TMEM181: variants seen among roughly 807,000 people sequenced by gnomAD.
The protein encoded by TMEM181 is transmembrane protein 181, also known as G protein-coupled receptor 178.
TMEM181 carries 39 observed loss-of-function variants against 71.9 expected under a neutral mutation model. The ratio of observed to expected loss-of-function variants is 0.54; its 90% CI spans 0.42 to 0.71. The LOEUF (loss-of-function observed/expected upper bound fraction) is 0.71. TMEM181 is among the 30% of genes least tolerant of loss of function. The pLI is 0.00. For missense variants in TMEM181, 595 were observed against 583.0 expected (o/e 1.02, Z -0.21); for synonymous variants, 245 against 228.8 (o/e 1.07, Z -0.64).
exon 1 of TMEM181, chr6:158,536,721 G>T (rs1582902949): frequency 6.4e-7 from 1 of 1,561,858 alleles, no homozygotes; most frequent in Non-Finnish European, 8.6e-7. Flanking sequence ...CCGGGACCCG[G>T]GAGGCTGCGC....
intron 13 of TMEM181, 111 bp from the exon 14 acceptor site, chr6:158,628,297 A>C (rs1165830808): frequency 2.1e-6 from 2 of 970,730 alleles, no homozygotes; most frequent in African/African-American, 3.2e-5. Context: ...CCCATGCAGA[A>C]ATCATAGTGT....
At chr6:158,623,652 T>G (rs750277143) in intron 11 of TMEM181, 45 bp downstream of exon 11, 1 of 1,347,278 alleles carries the variant, frequency 7.4e-7, no homozygotes, top group Non-Finnish European at 1.0e-6. Context: ...CTTAATGCTG[T>G]TTTGTAAAAT....
intron 12 of TMEM181, 26 bp downstream of exon 12, chr6:158,625,232 CA>C (rs2128328689): frequency 6.2e-7 from 1 of 1,602,764 alleles, no homozygotes; most frequent in East Asian, 2.2e-5. Context: ...AGAATCGGTG[CA>C]GGGGTGGCTT....
At chr6:158,618,271 GTTTGT>G (rs1392826153) in intron 10 of TMEM181, among the ~76,000 whole-genome samples, 1 of 152,116 alleles carries the variant, frequency 6.6e-6, no homozygotes, top group Non-Finnish European at 1.5e-5. Context: ...TTGGTTTAAA[GTTTGT>G]TTTATCAGAG....
intron 1 of TMEM181, chr6:158,572,380 C>T (rs892617004): frequency 1.3e-4 from 59 of 456,442 alleles, no homozygotes; most frequent in African/African-American, 5.4e-4. Flanking sequence ...GTCTCCTTCC[C>T]GCTGGTCTGG....
intron 1 of TMEM181, chr6:158,572,358 G>A: frequency 2.2e-6 from 1 of 456,224 alleles, no homozygotes; most frequent in Non-Finnish European, 4.4e-6. Context: ...TGTCCCTGAG[G>A]TGAGGTGCTC....
intron 13 of TMEM181, among the ~76,000 whole-genome samples, chr6:158,627,050 TTCTCACAC>T (rs1368281496): frequency 8.7e-6 from 1 of 114,678 alleles, no homozygotes; most frequent in Non-Finnish European, 1.8e-5. Flanking sequence ...CACACCCTCA[TTCTCACAC>T]CCTCACACCT....
chr6:158,556,793 C>T (rs996072581), upstream of TMEM181, among the ~76,000 whole-genome samples: 6 of 151,742 alleles, frequency 4.0e-5, no homozygotes, highest in Non-Finnish European at 8.8e-5. Flanking sequence ...GATGGAGTCT[C>T]GCTCTGTTGC....
intron 1 of TMEM181, among the ~76,000 whole-genome samples, chr6:158,562,641 C>T (rs1347526241): frequency 1.3e-5 from 2 of 152,130 alleles, no homozygotes; most frequent in African/African-American, 2.4e-5. Context: ...TTTCAGGGTC[C>T]TGGGCCTCCT....
At chr6:158,546,810 A>C (rs1019460372) in intron 1 of TMEM181, among the ~76,000 whole-genome samples, 3 of 151,440 alleles carry the variant, frequency 2.0e-5, no homozygotes, top group Non-Finnish European at 4.4e-5. Context: ...AAATACAAAA[A>C]TTAGCAGGGC....
intron 10 of TMEM181, among the ~76,000 whole-genome samples, chr6:158,619,721 T>A (rs930113703): frequency 1.1e-4 from 17 of 152,080 alleles, no homozygotes; most frequent in African/African-American, 3.9e-4. Flanking sequence ...TACAAAAAAT[T>A]AGCCAGGCGT....
rs759706653 is a variant in TMEM181 at position 158,631,799 on chromosome 6, T to C, written c.1350-11T>C. ...GAAGTTAGACGGTCTCAAAGGTCTC[T>C]TTGCTCACAGGAGTGACTATGAGGA... On this transcript the variant is annotated splice_polypyrimidine_tract_variant and intron_variant, in intron 16 of 16. Coordinates refer to ENST00000684151, the MANE Select transcript of TMEM181 (RefSeq NM_001376852.1). 1 of 1,591,010 alleles carries C rather than the reference T, an allele frequency of 6.3e-7. No individual in the cohort carries two copies. Among genetic ancestry groups the C allele is most frequent in the South Asian group, 1.1e-5 (1 of 87,462 alleles).
Position 158,609,912 on chromosome 6 carries a change from C to G in TMEM181, c.896+1162C>G, listed in dbSNP as rs151321614. Reference sequence around the variant, plus strand: ...CTCTCCAGTGGGATCTGCCTCAGCACTTCCCGGGCTTCTCAGGTGGAGGAG... The same window carrying G: ...CTCTCCAGTGGGATCTGCCTCAGCAGTTCCCGGGCTTCTCAGGTGGAGGAG... On this transcript the variant is annotated intron_variant, in intron 10 of 16. Coordinates refer to ENST00000684151, the MANE Select transcript of TMEM181 (RefSeq NM_001376852.1). The G allele has an allele frequency of 1.9e-3, 453 of 233,164 alleles. 1 individual carries two copies. Among genetic ancestry groups the G allele is most frequent in the Non-Finnish European group, 3.1e-3 (332 of 105,860 alleles). 14.4% of individuals were successfully genotyped at this position (233,164 alleles called of 1,614,324 possible).
rs562788786 is a variant in TMEM181 at position 158,617,633 on chromosome 6, C to T, written c.897-5917C>T. 3.9e-5 allele frequency among the ~76,000 whole-genome samples: 6 copies of T among 152,298 alleles called. 1 individual carries two copies. The highest frequency in any genetic ancestry group is 9.6e-5 in the African/African-American group (4 of 41,558). On this transcript the variant is annotated intron_variant, in intron 10 of 16. Coordinates refer to ENST00000684151, the MANE Select transcript of TMEM181 (RefSeq NM_001376852.1). ...GGCATTTAGTGCTATAAATTTTCCTCTACACACTTCTTTAAATGTGTCCCA... is the reference window on the plus strand; with the variant it reads ...GGCATTTAGTGCTATAAATTTTCCTTTACACACTTCTTTAAATGTGTCCCA...
intron 10 of TMEM181, among the ~76,000 whole-genome samples, chr6:158,617,506 TTGCCTTC>T (rs1278915672): frequency 6.6e-6 from 1 of 152,214 alleles, no homozygotes; most frequent in Non-Finnish European, 1.5e-5. Flanking sequence ...TAGTTATTTC[TTGCCTTC>T]TGCTAGCTTT....
Position 158,628,612 on chromosome 6 carries a change from G to A in TMEM181, c.1192+122G>A, listed in dbSNP as rs115437631. 7.7e-4 allele frequency: 621 copies of A among 801,674 alleles called. 5 individuals are homozygous for A. The African/African-American group carries it at 8.9e-3, about 11-fold the overall frequency. 49.7% of individuals were successfully genotyped at this position (801,674 alleles called of 1,614,324 possible). A position where few individuals can be genotyped will look rare whatever the true frequency, so the allele number is the denominator to read the frequency against. On this transcript the variant is annotated intron_variant, in intron 14 of 16. Transcript: ENST00000684151. ...AGCTCCTCGCGCCCTGTTCTCCGGA[G>A]GCCTCGTCTCTGCTGAGAGGTGTCT...
chr6:158,562,846 T>A (rs1782265259), intron 1 of TMEM181, among the ~76,000 whole-genome samples: 1 of 152,230 alleles, frequency 6.6e-6, no homozygotes, highest in African/African-American at 2.4e-5. Flanking sequence ...ATCCATTGTT[T>A]CGTGGAATCC....
At chr6:158,614,210 G>A (rs1398229118) in intron 10 of TMEM181, among the ~76,000 whole-genome samples, 1 of 152,174 alleles carries the variant, frequency 6.6e-6, no homozygotes, top group East Asian at 1.9e-4. Context: ...GGTTAGGAAA[G>A]ACAACCTTGA....
At chr6:158,566,160 G>A (rs1458514863) in intron 1 of TMEM181, among the ~76,000 whole-genome samples, 1 of 152,152 alleles carries the variant, frequency 6.6e-6, no homozygotes, top group Non-Finnish European at 1.5e-5. Context: ...CCAGGCCACA[G>A]GCACAGGACC....
Sources: gnomAD v4.1 joint callset for allele counts (sites outside exome capture counted in the v4.1 genomes callset) on GRCh38, gnomAD v4.1.1 for gene constraint, MANE v1.5 for transcripts, NCBI Gene and HGNC (gene_info 2026-07-23, HGNC 2026-07-21) for gene names.